GAB1: variants seen among roughly 807,000 people sequenced by gnomAD.
The protein encoded by GAB1 is GRB2-associated-binding protein 1.
In GAB1, 19 loss-of-function variants were observed where a neutral mutation model predicts 66.5. The observed-to-expected ratio is 0.29, with a 90% CI of 0.20 to 0.42. The LOEUF (loss-of-function observed/expected upper bound fraction) is 0.42, where lower values mean the gene tolerates loss of function less well. Among genes scored for constraint, GAB1 ranks in the 10% least tolerant of loss-of-function variants. GAB1 has a pLI of 1.00. For synonymous variants in GAB1, 294 were observed against 301.4 expected (o/e 0.98, Z 0.25); for missense variants, 732 against 858.5 (o/e 0.85, Z 1.84).
At position 143,460,178 on chromosome 4, in the gene GAB1, C is replaced by T. The variant is rs575207601; in HGVS notation, c.1680-186C>T. On this transcript the variant is annotated intron_variant, in intron 7 of 9. Coordinates refer to ENST00000262994, the MANE Select transcript of GAB1 (RefSeq NM_002039.4). ...CTGTCCAAAATACACTTTTATAATACAATTATAAATATTAGTTATGTGTTT... is the reference window on the plus strand; with the variant it reads ...CTGTCCAAAATACACTTTTATAATATAATTATAAATATTAGTTATGTGTTT... Among the ~76,000 whole-genome samples the T allele has an allele frequency of 3.8e-4, 58 of 152,002 alleles. No homozygotes were observed. In the South Asian group the frequency reaches 0.012, roughly 30 times the overall value.
At chr4:143,466,799 A>G in intron 9 of GAB1, among the ~76,000 whole-genome samples, 1 of 152,072 alleles carries the variant, frequency 6.6e-6, no homozygotes, top group Non-Finnish European at 1.5e-5. Context: ...CTGTTATTTA[A>G]TGAATTCTAA....
In GAB1 at chr4:143,438,261, G is replaced by A. The variant is rs1451849425; in HGVS notation, c.856G>A (p.Val286Ile). The change falls in exon 4 of 10, where the codon GTT becomes ATT. Residue 286 changes from valine (V) to isoleucine (I), a missense_variant. By Grantham distance (29) the Val-to-Ile change is conservative (BLOSUM62 3). This residue lies in a region of GAB1 where 427 missense variants were observed against 420.6 expected (regional missense o/e 1.02). Coordinates refer to ENST00000262994, the MANE Select transcript of GAB1 (RefSeq NM_002039.4). Reference sequence around the variant, plus strand: ...TACTGAAGCAGATGGAGAACTCTATGTTTTTAATACCCCATCTGGGACATC... The same window carrying A: ...TACTGAAGCAGATGGAGAACTCTATATTTTTAATACCCCATCTGGGACATC... ...SSTEADGELY[V>I]FNTPSGTSSV... 5 of 1,614,086 alleles carry A rather than the reference G, an allele frequency of 3.1e-6. No individual in the cohort carries two copies. The highest frequency in any genetic ancestry group is 4.2e-6 in the Non-Finnish European group (5 of 1,179,992).
At position 143,460,024 on chromosome 4, in the gene GAB1, CGTGT is replaced by C. The variant is rs28925943; in HGVS notation, c.1680-327_1680-324del. The stretch of plus-strand genomic sequence containing the variant: ...CTATGTTGAACATATGTTCATGTTT[CGTGT>C]GTGTGTGTGTGTATATAGTTTTTAA... On this transcript the variant is annotated intron_variant, in intron 7 of 9. Coordinates refer to ENST00000262994, the MANE Select transcript of GAB1 (RefSeq NM_002039.4). 1.1e-3 allele frequency among the ~76,000 whole-genome samples: 172 copies of C among 150,988 alleles called. 3 individuals carry two copies. The East Asian group carries it at 0.018, about 16-fold the overall frequency.
At chr4:143,425,510 C>T (rs1733296612) in intron 2 of GAB1, 1 of 762,030 alleles carries the variant, frequency 1.3e-6, no homozygotes, top group Non-Finnish European at 2.4e-6. Context: ...CTCCTCTGTG[C>T]CATGTGGACA....
chr4:143,384,659 A>G (rs959553217), intron 1 of GAB1, among the ~76,000 whole-genome samples: 1 of 152,092 alleles, frequency 6.6e-6, no homozygotes, highest in African/African-American at 2.4e-5. Flanking sequence ...GAGAGGGGAG[A>G]GCTCTTCCCT....
At chr4:143,409,652 AATTG>A (rs1192394023) in intron 1 of GAB1, among the ~76,000 whole-genome samples, 1 of 152,156 alleles carries the variant, frequency 6.6e-6, no homozygotes, top group African/African-American at 2.4e-5. Flanking sequence ...ACAGAGCAGT[AATTG>A]ATTGTCAGTG....
intron 1 of GAB1, among the ~76,000 whole-genome samples, chr4:143,354,849 A>G (rs1729379159): frequency 6.6e-6 from 1 of 152,248 alleles, no homozygotes; most frequent in Non-Finnish European, 1.5e-5. Context: ...AGTAGCTTTT[A>G]TGCACAATAC....
chr4:143,451,021 A>G (rs770335377), intron 6 of GAB1, among the ~76,000 whole-genome samples: 10 of 152,242 alleles, frequency 6.6e-5, no homozygotes, highest in Non-Finnish European at 1.2e-4. Flanking sequence ...AAATTCTCCA[A>G]ACAAGGAAAA....
intron 2 of GAB1, among the ~76,000 whole-genome samples, chr4:143,431,290 G>A (rs1022751819): frequency 2.0e-5 from 3 of 152,122 alleles, no homozygotes; most frequent in Admixed American, 2.0e-4. Context: ...TTTAATTTCT[G>A]GGGTTTCATG....
chr4:143,445,504 A>G lies in GAB1; in HGVS notation c.1585+5122A>G, dbSNP rs539319104. The stretch of plus-strand genomic sequence containing the variant: ...TGGATATTACCTCTTTCTCAGATGC[A>G]TAGTTTGTGCATATTTTCTCCCATT... On this transcript the variant is annotated intron_variant, in intron 6 of 9. Transcript: ENST00000262994. Among the ~76,000 whole-genome samples the G allele has an allele frequency of 5.9e-5, 9 of 152,200 alleles. No individual in the cohort carries two copies. The East Asian group carries it at 1.7e-3, about 29-fold the overall frequency.
At chr4:143,348,982 G>C (rs2149646309) in intron 1 of GAB1, among the ~76,000 whole-genome samples, 1 of 152,282 alleles carries the variant, frequency 6.6e-6, no homozygotes, top group Admixed American at 6.5e-5. Flanking sequence ...ACTGCCACAT[G>C]TACACACAGA....
At chr4:143,460,772 C>T (rs907928796) in intron 8 of GAB1, among the ~76,000 whole-genome samples, 1 of 151,862 alleles carries the variant, frequency 6.6e-6, no homozygotes, top group Non-Finnish European at 1.5e-5. Context: ...CACTTGAGTC[C>T]TTGAGTCCAG....
intron 1 of GAB1, among the ~76,000 whole-genome samples, chr4:143,410,748 G>A (rs535504900): frequency 1.1e-3 from 165 of 152,270 alleles, no homozygotes; most frequent in Non-Finnish European, 1.7e-3. Context: ...TGGGCAGATC[G>A]CAGTTATATC....
intron 1 of GAB1, among the ~76,000 whole-genome samples, chr4:143,399,842 A>G (rs948541568): frequency 8.6e-5 from 13 of 152,016 alleles, no homozygotes; most frequent in Non-Finnish European, 1.8e-4. Context: ...TTAATAACGA[A>G]CACTTAGTTG....
At chr4:143,442,050 T>C (rs1404597086) in intron 6 of GAB1, among the ~76,000 whole-genome samples, 1 of 152,044 alleles carries the variant, frequency 6.6e-6, no homozygotes, top group African/African-American at 2.4e-5. Context: ...GTTTCCTTTT[T>C]CTTTGTCTCT....
chr4:143,358,084 T>G (rs1729519031), intron 1 of GAB1, among the ~76,000 whole-genome samples: 1 of 152,160 alleles, frequency 6.6e-6, no homozygotes, highest in African/African-American at 2.4e-5. Context: ...AAGCCCTAAA[T>G]TTTCAACAGA....
intron 1 of GAB1, among the ~76,000 whole-genome samples, chr4:143,404,782 A>G (rs762224146): frequency 2.0e-5 from 3 of 152,184 alleles, no homozygotes; most frequent in Non-Finnish European, 2.9e-5. Flanking sequence ...CATTGTCCAT[A>G]TGATAGCTTC....
chr4:143,381,994 A>G (rs1483144568), intron 1 of GAB1: 1 of 152,254 alleles, frequency 6.6e-6, no homozygotes, highest in Non-Finnish European at 1.5e-5. Context: ...AGTCAGAGGT[A>G]CAGAGAAGCT....
intron 1 of GAB1, among the ~76,000 whole-genome samples, chr4:143,346,012 G>A (rs1728980824): frequency 6.6e-6 from 1 of 152,134 alleles, no homozygotes; most frequent in African/African-American, 2.4e-5. Flanking sequence ...TAACTCATTA[G>A]CCAGCCAGTT....
Sources: gnomAD v4.1 joint callset for allele counts (sites outside exome capture counted in the v4.1 genomes callset) on GRCh38, gnomAD v4.1.1 for gene constraint, gnomAD v4.1.1 regional missense constraint, MANE v1.5 for transcripts, NCBI Gene and HGNC (gene_info 2026-07-23, HGNC 2026-07-21) for gene names.